TCF12: variants seen among roughly 807,000 people sequenced by gnomAD.
The protein encoded by TCF12 is transcription factor 12, also known as DNA-binding protein HTF4.
Under a neutral mutation model 86.0 loss-of-function variants are expected in TCF12, and 45 were observed. That is an observed-to-expected ratio of 0.52 (90% CI 0.41 to 0.67). The LOEUF (loss-of-function observed/expected upper bound fraction) is 0.67. Among genes scored for constraint, TCF12 ranks in the 30% least tolerant of loss-of-function variants. The pLI, the probability that TCF12 is intolerant of heterozygous loss-of-function variation, is 0.00. For missense variants in TCF12, 881 were observed against 859.9 expected (o/e 1.02, Z -0.31); for synonymous variants, 330 against 299.6 (o/e 1.10, Z -1.05).
chr15:57,095,748 A>C (rs983480762), intron 5 of TCF12, among the ~76,000 whole-genome samples: 2 of 152,148 alleles, frequency 1.3e-5, no homozygotes, highest in African/African-American at 4.8e-5. Flanking sequence ...TGTGGATTTT[A>C]ATCCAGATTC....
At chr15:57,086,100 T>C (rs1289698500) in intron 4 of TCF12, among the ~76,000 whole-genome samples, 1 of 151,882 alleles carries the variant, frequency 6.6e-6, no homozygotes, top group Non-Finnish European at 1.5e-5. Flanking sequence ...GCACCTGCTA[T>C]GTATGTGGCA....
At chr15:57,066,854 G>C (rs1180841020) in intron 4 of TCF12, among the ~76,000 whole-genome samples, 1 of 152,180 alleles carries the variant, frequency 6.6e-6, no homozygotes, top group Non-Finnish European at 1.5e-5. Context: ...GTTACACAAA[G>C]TCATATTGAT....
At chr15:57,204,732 C>G (rs891295220) in intron 8 of TCF12, among the ~76,000 whole-genome samples, 1 of 150,580 alleles carries the variant, frequency 6.6e-6, no homozygotes, top group Admixed American at 6.6e-5. Flanking sequence ...GAAAAAAATA[C>G]TAAATCCTGA....
intron 3 of TCF12, among the ~76,000 whole-genome samples, chr15:56,939,770 G>A (rs1229466917): frequency 1.3e-5 from 2 of 152,084 alleles, no homozygotes; most frequent in Non-Finnish European, 2.9e-5. Flanking sequence ...CGAAACTTAC[G>A]TTGATTAGCT....
chr15:56,973,082 A>G (rs1485244604), intron 3 of TCF12, among the ~76,000 whole-genome samples: 1 of 152,060 alleles, frequency 6.6e-6, no homozygotes. Flanking sequence ...GGGAGTTTTA[A>G]AAGTAGAAAG....
intron 5 of TCF12, among the ~76,000 whole-genome samples, chr15:57,165,928 T>C (rs1229393204): frequency 6.6e-6 from 1 of 152,208 alleles, no homozygotes; most frequent in South Asian, 2.1e-4. Flanking sequence ...GGTACATGTA[T>C]CATATTGTTG....
intron 5 of TCF12, among the ~76,000 whole-genome samples, chr15:57,144,675 T>C (rs556638753): frequency 6.6e-6 from 1 of 152,294 alleles, no homozygotes; most frequent in East Asian, 1.9e-4. Flanking sequence ...CTCAGCTCAC[T>C]GCAACCTCCG....
rs1219275272 is a variant in TCF12, at chr15:57,262,156, A to G, written c.1530A>G (p.Thr510=). 1 of 1,613,778 alleles carries G rather than the reference A, an allele frequency of 6.2e-7. No homozygotes were observed. The highest frequency in any genetic ancestry group is 1.7e-5 in the Admixed American group (1 of 60,016). ...LNGNHSVLSS[T]VTTSSTDLNH... ...GCAATCATTCAGTCCTGTCTAGTAC[A>G]GTCACTACTTCAAGCACAGACCTGA... The change falls in exon 17 of 21, where the codon ACA becomes ACG. Residue 510 remains threonine, a synonymous_variant. Transcript: ENST00000333725.
intron 3 of TCF12, among the ~76,000 whole-genome samples, chr15:56,939,049 C>G (rs2060611180): frequency 6.6e-6 from 1 of 152,198 alleles, no homozygotes; most frequent in African/African-American, 2.4e-5. Flanking sequence ...TCTCTCCTCA[C>G]CTGACCTCCT....
At chr15:57,006,303 T>G (rs2064368441) in intron 3 of TCF12, among the ~76,000 whole-genome samples, 1 of 151,950 alleles carries the variant, frequency 6.6e-6, no homozygotes, top group Non-Finnish European at 1.5e-5. Flanking sequence ...GATTTAAGAT[T>G]GCTATTAATT....
chr15:56,932,951 C>T (rs2060311707), intron 3 of TCF12, among the ~76,000 whole-genome samples: 1 of 152,152 alleles, frequency 6.6e-6, no homozygotes, highest in African/African-American at 2.4e-5. Flanking sequence ...ATATAAATAG[C>T]TACAACCTCA....
chr15:57,099,279 G>A (rs1234560891), intron 5 of TCF12, among the ~76,000 whole-genome samples: 1 of 152,134 alleles, frequency 6.6e-6, no homozygotes, highest in African/African-American at 2.4e-5. Context: ...CCCAGTCTGA[G>A]AGAGACCGAA....
intron 13 of TCF12, chr15:57,247,044 G>C: frequency 3.6e-6 from 2 of 553,594 alleles, no homozygotes; most frequent in South Asian, 1.4e-5. Flanking sequence ...CCCTTTCATG[G>C]GTTCATAGTT....
rs1309869262 is a variant in TCF12, at chr15:57,129,155, T to TA, written c.326-37246dup. Reference sequence around the variant, plus strand: ...CCATTTTACAATCCCATCAGCAACTTATGAAGGTTCCAGTTTCTTCACATC... The same window carrying TA: ...CCATTTTACAATCCCATCAGCAACTTAATGAAGGTTCCAGTTTCTTCACATC... On this transcript the variant is annotated intron_variant, in intron 5 of 20. Transcript: ENST00000333725. Among the ~76,000 whole-genome samples the TA allele has an allele frequency of 3.3e-5, 5 of 152,238 alleles. No homozygotes were observed. In the East Asian group the frequency reaches 9.6e-4, roughly 29 times the overall value.
At chr15:56,938,040 C>CT (rs2060547437) in intron 3 of TCF12, among the ~76,000 whole-genome samples, 8 of 21,800 alleles carry the variant, frequency 3.7e-4, no homozygotes, top group East Asian at 1.0e-3. Flanking sequence ...TTTTTCGTTT[C>CT]TTTTCTTTTT....
intron 19 of TCF12, among the ~76,000 whole-genome samples, chr15:57,274,918 A>G (rs2061311210): frequency 6.6e-6 from 1 of 152,224 alleles, no homozygotes; most frequent in Admixed American, 6.5e-5. Flanking sequence ...AGCCATTAAA[A>G]TGAGAAATAC....
chr15:57,101,630 C>CAT lies in TCF12; in HGVS notation c.325+9748_325+9749dup, dbSNP rs1198180859. ...ACACACGTGCATATGCACCCACACACATATATATATGGTTCTGAGTTTTTA... is the reference window on the plus strand; with the variant it reads ...ACACACGTGCATATGCACCCACACACATATATATATATGGTTCTGAGTTTTTA... On this transcript the variant is annotated intron_variant, in intron 5 of 20. Coordinates refer to ENST00000333725, the MANE Select transcript of TCF12 (RefSeq NM_207037.2). 3.3e-5 allele frequency among the ~76,000 whole-genome samples: 5 copies of CAT among 152,336 alleles called. No homozygotes were observed. In the East Asian group the frequency reaches 5.8e-4, roughly 18 times the overall value.
intron 6 of TCF12, among the ~76,000 whole-genome samples, chr15:57,188,173 A>G (rs8040557): frequency 0.052 from 7,858 of 152,244 alleles, 371 homozygotes; most frequent in African/African-American, 0.13. Context: ...TCCATTTACA[A>G]TAGTATTTAA....
chr15:56,974,239 T>C (rs559329790), intron 3 of TCF12, among the ~76,000 whole-genome samples: 1 of 152,222 alleles, frequency 6.6e-6, no homozygotes, highest in African/African-American at 2.4e-5. Context: ...AGTAATAAAG[T>C]ATCATGTCTG....
Sources: allele counts gnomAD v4.1 joint callset (sites outside exome capture counted in the v4.1 genomes callset), GRCh38; gene constraint gnomAD v4.1.1; transcripts MANE v1.5; gene names NCBI Gene and HGNC (gene_info 2026-07-23, HGNC 2026-07-21).